The following PCNX1 variants were observed in gnomAD, a reference collection of about 807,000 sequenced individuals.
PCNX1 encodes the protein pecanex-like protein 1.
Under a neutral mutation model 242.2 loss-of-function variants are expected in PCNX1, and 78 were observed. That is an observed-to-expected ratio of 0.32 (90% confidence interval 0.27 to 0.39). The LOEUF is 0.39. PCNX1 is among the 10% of genes least tolerant of loss of function. The probability of loss-of-function intolerance (pLI) is 1.00; values close to 1 mark genes in which losing one functional copy is unlikely to be tolerated. For synonymous variants in PCNX1, 1,024 were observed against 1,032.9 expected (o/e 0.99, Z 0.17); for missense variants, 2,581 against 2,856.5 (o/e 0.90, Z 2.20).
At position 71,073,629 on chromosome 14, in the gene PCNX1, A is replaced by G. The variant is rs767315654; in HGVS notation, c.4937A>G (p.His1646Arg). The change falls in exon 27 of 36, where the codon CAT becomes CGT. Residue 1646 changes from histidine to arginine, a missense_variant. His to Arg is a conservative substitution (Grantham distance 29). Transcript: ENST00000304743. ...DEGFCCCEPG[H>R]IPHMLSFNAA... Reference sequence around the variant, plus strand: ...GGATTTTGCTGTTGTGAACCTGGCCATATTCCTCACATGCTTTCATTTAAT... The same window carrying G: ...GGATTTTGCTGTTGTGAACCTGGCCGTATTCCTCACATGCTTTCATTTAAT... The G allele has an allele frequency of 5.3e-5, 86 of 1,613,956 alleles. No individual in the cohort carries two copies. The highest frequency in any genetic ancestry group is 9.3e-6 in the Non-Finnish European group (11 of 1,179,980).
intron 7 of PCNX1, among the ~76,000 whole-genome samples, chr14:70,994,413 ATATATATATATATATATG>A (rs1452263590): frequency 2.3e-5 from 3 of 128,832 alleles, no homozygotes; most frequent in East Asian, 2.1e-4. Context: ...ATATATATAT[ATATATATATATATATATG>A]TATGTATGTA....
intron 7 of PCNX1, among the ~76,000 whole-genome samples, chr14:70,990,795 G>GT (rs1306719662): frequency 6.6e-6 from 1 of 152,058 alleles, no homozygotes; most frequent in Non-Finnish European, 1.5e-5. Context: ...CCTGCCTGAA[G>GT]TAACTTTTCT....
intron 18 of PCNX1, among the ~76,000 whole-genome samples, chr14:71,034,757 T>C (rs1247486619): frequency 6.6e-6 from 1 of 152,196 alleles, no homozygotes; most frequent in Non-Finnish European, 1.5e-5. Flanking sequence ...CATATTTTTT[T>C]CAGAAACTTT....
At chr14:71,092,865 C>T (rs1215627397) in intron 30 of PCNX1, 1 of 152,164 alleles carries the variant, frequency 6.6e-6, no homozygotes, top group East Asian at 1.9e-4. Flanking sequence ...GAGAACTCTT[C>T]CTGGTTTGGT....
chr14:71,057,499 CTTT>C lies in PCNX1; in HGVS notation c.4637-7_4637-5del, dbSNP rs779794206. On this transcript the variant is annotated splice_region_variant and splice_polypyrimidine_tract_variant and intron_variant, in intron 25 of 35. Coordinates refer to ENST00000304743, the MANE Select transcript of PCNX1 (RefSeq NM_014982.3). The stretch of plus-strand genomic sequence containing the variant: ...TTAAATTTAACTTTTTTTAAAATCT[CTTT>C]TTATAGGATCAGATGACAACAATCT... 1 of 1,585,378 alleles carries C rather than the reference CTTT, an allele frequency of 6.3e-7. No homozygotes were observed. The highest frequency in any genetic ancestry group is 8.6e-7 in the Non-Finnish European group (1 of 1,157,806).
chr14:70,958,344 AAC>A (rs1325132869), intron 2 of PCNX1, among the ~76,000 whole-genome samples: 1 of 152,238 alleles, frequency 6.6e-6, no homozygotes, highest in Non-Finnish European at 1.5e-5. Context: ...TGATAATAAA[AAC>A]ACACTAGAGT....
intron 2 of PCNX1, among the ~76,000 whole-genome samples, chr14:70,960,974 C>T (rs2058190248): frequency 6.6e-6 from 1 of 152,124 alleles, no homozygotes; most frequent in Admixed American, 6.5e-5. Context: ...TGAAGGACCT[C>T]TTAATGGAGA....
intron 1 of PCNX1, among the ~76,000 whole-genome samples, chr14:70,931,629 A>G (rs1270860701): frequency 2.6e-5 from 4 of 152,186 alleles, no homozygotes; most frequent in African/African-American, 9.6e-5. Context: ...TTTTGGTATT[A>G]TTTAATTTTT....
intron 2 of PCNX1, among the ~76,000 whole-genome samples, chr14:70,961,321 T>G (rs2058204270): frequency 6.6e-6 from 1 of 152,138 alleles, no homozygotes; most frequent in South Asian, 2.1e-4. Flanking sequence ...AACAGAGATA[T>G]AGATCAATGG....
intron 12 of PCNX1, among the ~76,000 whole-genome samples, chr14:71,021,728 A>G (rs1283752501): frequency 6.7e-6 from 1 of 149,748 alleles, no homozygotes; most frequent in South Asian, 2.1e-4. Context: ...TTTAATACCT[A>G]TGTATACTCT....
rs577741653 is a variant in PCNX1 at position 70,993,890 on chromosome 14, T to C, written c.2445-1851T>C. 6.6e-5 allele frequency among the ~76,000 whole-genome samples: 10 copies of C among 152,334 alleles called. No homozygotes were observed. In the South Asian group the frequency reaches 1.9e-3, roughly 28 times the overall value. Reference sequence around the variant, plus strand: ...GATTCTGAGGAAGAGTAACAAATTATGTATGTATGGAAGATGAAAACCTTA... The same window carrying C: ...GATTCTGAGGAAGAGTAACAAATTACGTATGTATGGAAGATGAAAACCTTA... On this transcript the variant is annotated intron_variant, in intron 7 of 35. Transcript: ENST00000304743.
At chr14:70,942,480 G>T (rs914811211) in intron 1 of PCNX1, among the ~76,000 whole-genome samples, 1 of 149,874 alleles carries the variant, frequency 6.7e-6, no homozygotes, top group Non-Finnish European at 1.5e-5. Flanking sequence ...GACAGCAGAT[G>T]TGTGGGGGTG....
intron 1 of PCNX1, among the ~76,000 whole-genome samples, chr14:70,937,016 G>T (rs2057032093): frequency 6.8e-6 from 1 of 147,256 alleles, no homozygotes; most frequent in South Asian, 2.2e-4. Flanking sequence ...TAAGTTCTTT[G>T]TAGATTCTGG....
chr14:70,912,276 A>G (rs974854376), intron 1 of PCNX1, among the ~76,000 whole-genome samples: 5 of 152,084 alleles, frequency 3.3e-5, no homozygotes, highest in Non-Finnish European at 7.4e-5. Flanking sequence ...GTTAAAATTT[A>G]TTACGTAAGT....
At chr14:70,935,253 A>G (rs1347102324) in intron 1 of PCNX1, among the ~76,000 whole-genome samples, 1 of 152,216 alleles carries the variant, frequency 6.6e-6, no homozygotes, top group African/African-American at 2.4e-5. Context: ...TGCTCTTAAA[A>G]AAGAAATTCT....
intron 26 of PCNX1, among the ~76,000 whole-genome samples, chr14:71,069,821 G>T (rs1486086051): frequency 6.6e-6 from 1 of 152,192 alleles, no homozygotes; most frequent in Non-Finnish European, 1.5e-5. Flanking sequence ...GTTGGTGATT[G>T]CCGAAGGTTG....
chr14:71,066,726 TATG>T (rs2061456507), intron 26 of PCNX1, among the ~76,000 whole-genome samples: 1 of 152,330 alleles, frequency 6.6e-6, no homozygotes, highest in East Asian at 1.9e-4. Flanking sequence ...GCCCATTCAG[TATG>T]ATATTAGCTG....
Position 70,949,283 on chromosome 14 carries a change from A to ACACACACACGTGTATG in PCNX1, c.362+2167_362+2168insACGTGTATGCACACAC, listed in dbSNP as rs1566608607. On this transcript the variant is annotated intron_variant, in intron 2 of 35. Coordinates refer to ENST00000304743, the MANE Select transcript of PCNX1 (RefSeq NM_014982.3). Reference sequence around the variant, plus strand: ...CACACGTGTATGCACACACGTGTATACACACACGTGTGTACACACATATGT... The same window carrying ACACACACACGTGTATG: ...CACACGTGTATGCACACACGTGTATACACACACACGTGTATGCACACACGTGTGTACACACATATGT... Among the ~76,000 whole-genome samples, 159 of 28,406 alleles carry ACACACACACGTGTATG rather than the reference A, an allele frequency of 5.6e-3. 3 individuals are homozygous for ACACACACACGTGTATG. Among genetic ancestry groups the ACACACACACGTGTATG allele is most frequent in the African/African-American group, 0.015 (145 of 9,980 alleles). The allele number at this position is 28,406 out of a possible 152,430, so 18.6% of individuals were successfully genotyped here.
chr14:71,057,528 G>A lies in PCNX1; in HGVS notation c.4656G>A (p.Leu1552=). The A allele has an allele frequency of 2.5e-6, 4 of 1,612,364 alleles. No homozygotes were observed. The highest frequency in any genetic ancestry group is 3.4e-6 in the Non-Finnish European group (4 of 1,178,498). The change falls in exon 26 of 36, where the codon CTG becomes CTA. Residue 1552 remains leucine, a synonymous_variant. Coordinates refer to ENST00000304743, the MANE Select transcript of PCNX1 (RefSeq NM_014982.3). ...TTATAGGATCAGATGACAACAATCTGAATTCCATCTTTTATGAGCATTTAA... is the reference window on the plus strand; with the variant it reads ...TTATAGGATCAGATGACAACAATCTAAATTCCATCTTTTATGAGCATTTAA... The part of the protein sequence containing the change: ...DRNPGSDDNN[L]NSIFYEHLTR...
Sources: gnomAD v4.1 joint callset for allele counts (sites outside exome capture counted in the v4.1 genomes callset) on GRCh38, gnomAD v4.1.1 for gene constraint, MANE v1.5 for transcripts, NCBI Gene and HGNC (gene_info 2026-07-23, HGNC 2026-07-21) for gene names.